Variants in NRP2 observed in about 807,000 individuals in gnomAD.
NRP2 encodes the protein neuropilin-2.
Under a neutral mutation model 110.4 loss-of-function variants are expected in NRP2, and 52 were observed. The observed-to-expected ratio is 0.47, with a 90% CI of 0.38 to 0.59. NRP2 has a LOEUF of 0.59. NRP2 is among the 20% of genes least tolerant of loss of function. The pLI is 0.00. For missense variants in NRP2, 1,049 were observed against 1,203.0 expected (o/e 0.87, Z 1.89); for synonymous variants, 508 against 468.9 (o/e 1.08, Z -1.08).
rs748827775 is a variant in NRP2 at position 205,743,542 on chromosome 2, A to G, written c.1631A>G (p.Gln544Arg). 3.1e-6 allele frequency: 5 copies of G among 1,614,112 alleles called. No individual in the cohort carries two copies. In the Admixed American group the frequency reaches 6.7e-5, roughly 22 times the overall value. ...GAATACATTCAGGACCCCAGGACCC[A>G]GCAGCCAAAGGTAGGCTGTTCTTGG... ...DWEYIQDPRT[Q>R]QPKLFEGNMH... Residue 544 changes from glutamine (Q) to arginine (R), a missense_variant, in exon 9 of 17, where the codon CAG becomes CGG. Coordinates refer to ENST00000357785, the MANE Select transcript of NRP2 (RefSeq NM_003872.3).
chr2:205,763,617 A>T lies in NRP2; in HGVS notation c.2045-57A>T. 6.2e-7 allele frequency: 1 copy of T among 1,610,332 alleles called. No homozygotes were observed. Among genetic ancestry groups the T allele is most frequent in the Middle Eastern group, 1.9e-4 (1 of 5,198 alleles). ...TCCCTTGGAGAGGCCACAGCAGCAC[A>T]CTGGTGTCTTTCCCGAGTGTTTATG... On this transcript the variant is annotated intron_variant, in intron 12 of 16. Coordinates refer to ENST00000357785, the MANE Select transcript of NRP2 (RefSeq NM_003872.3). This position sits in a 1 kb window ranked among gnomAD's most constrained non-coding sequence, Gnocchi z 4.0.
intron 11 of NRP2, 103 bp downstream of exon 11, chr2:205,749,944 A>G: frequency 1.1e-6 from 1 of 897,480 alleles, no homozygotes; most frequent in Non-Finnish European, 1.8e-6. Flanking sequence ...TCAGAGATCC[A>G]GGGGATCTCA....
intron 12 of NRP2, among the ~76,000 whole-genome samples, chr2:205,762,797 C>T (rs181495862): frequency 1.3e-5 from 2 of 152,312 alleles, no homozygotes; most frequent in African/African-American, 4.8e-5. Context: ...CTGCAAGGCA[C>T]GTAGTCTGCC....
intron 10 of NRP2, among the ~76,000 whole-genome samples, chr2:205,747,995 C>T (rs1575621594): frequency 6.6e-6 from 1 of 152,052 alleles, no homozygotes; most frequent in Non-Finnish European, 1.5e-5. Context: ...TCAGGGGTAG[C>T]GTTGCTGTTT....
At chr2:205,730,233 G>A (rs555128608) in intron 7 of NRP2, among the ~76,000 whole-genome samples, 1 of 152,336 alleles carries the variant, frequency 6.6e-6, no homozygotes, top group African/African-American at 2.4e-5. Flanking sequence ...TGTATTTAAT[G>A]TGCAGATTCC....
intron 8 of NRP2, among the ~76,000 whole-genome samples, chr2:205,741,100 G>T (rs1200935770): frequency 6.6e-6 from 1 of 152,186 alleles, no homozygotes; most frequent in Non-Finnish European, 1.5e-5. Flanking sequence ...TGCCTCAACC[G>T]GGGGCCAAGA....
At chr2:205,724,039 G>A in intron 5 of NRP2, 99 bp downstream of exon 5, 1 of 1,327,960 alleles carries the variant, frequency 7.5e-7, no homozygotes, top group Non-Finnish European at 1.1e-6. Flanking sequence ...GAGGAGATGG[G>A]AACTCTACGG....
rs535820035 is a variant in NRP2 at position 205,738,718 on chromosome 2, C to T, written c.1147-1801C>T. Among the ~76,000 whole-genome samples the T allele has an allele frequency of 5.9e-5, 9 of 152,298 alleles. No individual in the cohort carries two copies. The East Asian group carries it at 1.7e-3, about 29-fold the overall frequency. On this transcript the variant is annotated intron_variant, in intron 7 of 16. Transcript: ENST00000357785. ...GAGAGGCATGACTAACAAGTTCTTTCCCGGTGCTCCCTGCTGTCAACCTTA... is the reference window on the plus strand; with the variant it reads ...GAGAGGCATGACTAACAAGTTCTTTTCCGGTGCTCCCTGCTGTCAACCTTA...
At chr2:205,688,747 T>C (rs950399784) in intron 1 of NRP2, among the ~76,000 whole-genome samples, 7 of 151,942 alleles carry the variant, frequency 4.6e-5, no homozygotes, top group Admixed American at 2.6e-4. Flanking sequence ...TTTCTGAAAA[T>C]GCTACTCCTA....
chr2:205,769,168 G>A (rs113256010), intron 15 of NRP2, among the ~76,000 whole-genome samples: 3 of 152,288 alleles, frequency 2.0e-5, no homozygotes, highest in African/African-American at 4.8e-5. Flanking sequence ...AGAGAAATCA[G>A]GGGGCAGGCA....
intron 15 of NRP2, 52 bp downstream of exon 15, chr2:205,766,855 C>G: frequency 6.5e-7 from 1 of 1,547,654 alleles, no homozygotes; most frequent in South Asian, 1.1e-5. Flanking sequence ...CTTTTTCCTT[C>G]CCCCATGTGA....
chr2:205,690,616 ACACACACACACAC>A (rs2056292697), intron 1 of NRP2, among the ~76,000 whole-genome samples: 1 of 143,496 alleles, frequency 7.0e-6, no homozygotes. Flanking sequence ...ACACACACAC[ACACACACACACAC>A]AATAGCTGGG....
chr2:205,735,449 T>G (rs1324416481), intron 7 of NRP2, among the ~76,000 whole-genome samples: 2 of 147,906 alleles, frequency 1.4e-5, no homozygotes, highest in African/African-American at 4.9e-5. Flanking sequence ...TGCTTCTTAT[T>G]AGATTTTATA....
At chr2:205,702,614 T>C (rs1380882976) in intron 2 of NRP2, among the ~76,000 whole-genome samples, 2 of 152,254 alleles carry the variant, frequency 1.3e-5, no homozygotes, top group African/African-American at 4.8e-5. Context: ...AGAAGATATG[T>C]CTGTTTCTCC....
chr2:205,728,741 T>C (rs1224892304), intron 7 of NRP2, among the ~76,000 whole-genome samples: 1 of 152,232 alleles, frequency 6.6e-6, no homozygotes, highest in Non-Finnish European at 1.5e-5. Context: ...GGCGATGTGC[T>C]GGCTCTATGT....
At chr2:205,730,575 T>C (rs1171148588) in intron 7 of NRP2, among the ~76,000 whole-genome samples, 1 of 152,094 alleles carries the variant, frequency 6.6e-6, no homozygotes, top group Non-Finnish European at 1.5e-5. Context: ...TGCTCTGCTC[T>C]GCTCAGAGCA....
chr2:205,740,638 G>A lies in NRP2; in HGVS notation c.1266G>A (p.Leu422=), dbSNP rs747110716. ...GGCACTCAGGTATCGCCCTCCGGCT[G>A]GAGCTCTTCGGCTGCCGGGTCACAG... ...QTWHSGIALR[L]ELFGCRVTDA... is the part of the protein sequence containing the mutation. The change falls in exon 8 of 17, where the codon CTG becomes CTA. Residue 422 remains leucine, a synonymous_variant. Coordinates refer to ENST00000357785, the MANE Select transcript of NRP2 (RefSeq NM_003872.3). 2.5e-6 allele frequency: 4 copies of A among 1,614,210 alleles called. No homozygotes were observed. Among genetic ancestry groups the A allele is most frequent in the South Asian group, 2.2e-5 (2 of 91,082 alleles).
intron 7 of NRP2, among the ~76,000 whole-genome samples, chr2:205,732,752 C>T (rs1027883627): frequency 6.6e-6 from 1 of 152,218 alleles, no homozygotes; most frequent in Non-Finnish European, 1.5e-5. Flanking sequence ...CCAGACCTTT[C>T]CCTGCATCTG....
rs562079165 is a variant in NRP2, at chr2:205,698,091, A to G, written c.251+370A>G. Among the ~76,000 whole-genome samples the G allele has an allele frequency of 2.0e-5, 3 of 151,768 alleles. No homozygotes were observed. In the South Asian group the frequency reaches 6.3e-4, roughly 32 times the overall value. ...ATTTCCACAGCTGCTACATGTATAA[A>G]CCCCACCCACTTCCTTAATAAGATA... On this transcript the variant is annotated intron_variant, in intron 2 of 16. Transcript: ENST00000357785.
Sources: gnomAD v4.1 joint callset for allele counts (sites outside exome capture counted in the v4.1 genomes callset) on GRCh38, gnomAD v4.1.1 for gene constraint, Gnocchi (gnomAD v3.1) non-coding constraint, MANE v1.5 for transcripts, NCBI Gene and HGNC (gene_info 2026-07-23, HGNC 2026-07-21) for gene names.